The following SP4 variants were observed in gnomAD, a reference collection of about 807,000 sequenced individuals.
SP4 encodes transcription factor Sp4.
SP4 carries 19 observed loss-of-function variants against 72.8 expected under a neutral mutation model. The observed-to-expected ratio is 0.26, with a 90% CI of 0.18 to 0.38. The LOEUF is 0.38. Among genes scored for constraint, SP4 ranks in the 10% least tolerant of loss-of-function variants. The pLI is 1.00. For missense variants in SP4, 1,008 were observed against 926.3 expected, an observed-to-expected ratio of 1.09 and a Z score of -1.14; for synonymous variants, 395 against 333.1, an observed-to-expected ratio of 1.19 and a Z score of -2.02.
intron 5 of SP4, among the ~76,000 whole-genome samples, chr7:21,497,258 A>G (rs1285009234): frequency 6.6e-6 from 1 of 152,198 alleles, no homozygotes; most frequent in African/African-American, 2.4e-5. Flanking sequence ...TTAGGCTTTG[A>G]AAGAGCCTCA....
intron 5 of SP4, among the ~76,000 whole-genome samples, chr7:21,503,587 T>G (rs938436212): frequency 6.6e-6 from 1 of 152,204 alleles, no homozygotes; most frequent in African/African-American, 2.4e-5. Flanking sequence ...ATATTTTCCA[T>G]CAGTCCAAAG....
At chr7:21,473,507 C>G (rs1012835135) in intron 3 of SP4, among the ~76,000 whole-genome samples, 1 of 152,190 alleles carries the variant, frequency 6.6e-6, no homozygotes, top group Admixed American at 6.5e-5. Flanking sequence ...AAGATCCCTA[C>G]TTTCATGGCA....
At chr7:21,457,775 G>A (rs1234660077) in intron 3 of SP4, among the ~76,000 whole-genome samples, 1 of 151,722 alleles carries the variant, frequency 6.6e-6, no homozygotes, top group African/African-American at 2.4e-5. Flanking sequence ...CAATAGGGGT[G>A]TGTGTGTGTG....
intron 3 of SP4, among the ~76,000 whole-genome samples, chr7:21,466,031 G>A (rs1784157861): frequency 6.6e-6 from 1 of 152,004 alleles, no homozygotes; most frequent in Admixed American, 6.5e-5. Flanking sequence ...CTTTCCACCT[G>A]TCAGTGGATT....
At chr7:21,457,294 GC>G (rs1783797533) in intron 3 of SP4, among the ~76,000 whole-genome samples, 1 of 151,730 alleles carries the variant, frequency 6.6e-6, no homozygotes. Flanking sequence ...TGCTCTTATT[GC>G]CCCAACTTTC....
chr7:21,453,217 T>A (rs950713257), intron 3 of SP4, among the ~76,000 whole-genome samples: 7 of 152,266 alleles, frequency 4.6e-5, no homozygotes, highest in Non-Finnish European at 8.8e-5. Flanking sequence ...TTAACTCCTG[T>A]TCTGCTTTAT....
intron 5 of SP4, among the ~76,000 whole-genome samples, chr7:21,502,630 T>G (rs1349082836): frequency 6.6e-6 from 1 of 152,162 alleles, no homozygotes; most frequent in Non-Finnish European, 1.5e-5. Flanking sequence ...ACCAAAAATG[T>G]GACCCACTCA....
chr7:21,473,762 C>T (rs1490221371), intron 3 of SP4, among the ~76,000 whole-genome samples: 1 of 152,034 alleles, frequency 6.6e-6, no homozygotes, highest in Non-Finnish European at 1.5e-5. Context: ...ATGCAAAGTC[C>T]CTAAGAAGGA....
intron 5 of SP4, among the ~76,000 whole-genome samples, chr7:21,492,102 G>A (rs2128413814): frequency 6.6e-6 from 1 of 152,236 alleles, no homozygotes; most frequent in African/African-American, 2.4e-5. Context: ...CTTGTAGATA[G>A]TCATTGTATG....
At position 21,511,118 on chromosome 7, in the gene SP4, G is replaced by A. The variant is rs1782130587; in HGVS notation, c.2204G>A (p.Gly735Asp). 4 of 1,614,074 alleles carry A rather than the reference G, an allele frequency of 2.5e-6. No individual in the cohort carries two copies. The highest frequency in any genetic ancestry group is 1.3e-5 in the African/African-American group (1 of 74,924). ...AAAACGCACCAGAATAAAAAAGGTG[G>A]TGGGACAGCTCTTGCCATTGTTACC... ...HVKTHQNKKG[G>D]GTALAIVTSG... Residue 735 changes from glycine (G) to aspartate (D), a missense_variant, in exon 6 of 6, where the codon GGT becomes GAT. This residue lies in a region of SP4 where 67 missense variants were observed against 66.1 expected (regional missense o/e 1.01). Coordinates refer to ENST00000222584, the MANE Select transcript of SP4 (RefSeq NM_003112.5).
chr7:21,470,873 C>CTA (rs1784320300), intron 3 of SP4, among the ~76,000 whole-genome samples: 1 of 152,030 alleles, frequency 6.6e-6, no homozygotes, highest in African/African-American at 2.4e-5. Flanking sequence ...CGGCCATCCT[C>CTA]AGTCTGTTTC....
At chr7:21,475,098 C>CT (rs1376423290) in intron 3 of SP4, among the ~76,000 whole-genome samples, 1 of 151,172 alleles carries the variant, frequency 6.6e-6, no homozygotes, top group Non-Finnish European at 1.5e-5. Context: ...CTCCCCCACC[C>CT]TTTTTTTGTT....
intron 4 of SP4, among the ~76,000 whole-genome samples, chr7:21,481,374 T>C (rs1189176050): frequency 6.6e-6 from 1 of 152,242 alleles, no homozygotes; most frequent in Non-Finnish European, 1.5e-5. Flanking sequence ...TTGGTTCAAA[T>C]ACCACAGACT....
intron 3 of SP4, among the ~76,000 whole-genome samples, chr7:21,435,202 A>T (rs1455168138): frequency 6.6e-6 from 1 of 152,188 alleles, no homozygotes; most frequent in Non-Finnish European, 1.5e-5. Flanking sequence ...TGTCAATTTT[A>T]GTGGAAATTA....
At chr7:21,495,461 T>C (rs1174080468) in intron 5 of SP4, among the ~76,000 whole-genome samples, 2 of 151,940 alleles carry the variant, frequency 1.3e-5, no homozygotes, top group Admixed American at 1.3e-4. Context: ...AGAGAACATA[T>C]GTATGTGACG....
intron 3 of SP4, among the ~76,000 whole-genome samples, chr7:21,461,857 G>T (rs1392706978): frequency 6.6e-6 from 1 of 152,128 alleles, no homozygotes; most frequent in African/African-American, 2.4e-5. Flanking sequence ...TAAAGTTCTA[G>T]TGGAGACTTT....
chr7:21,442,374 T>C (rs1783288857), intron 3 of SP4, among the ~76,000 whole-genome samples: 1 of 152,186 alleles, frequency 6.6e-6, no homozygotes, highest in Non-Finnish European at 1.5e-5. Context: ...ACACACCTTG[T>C]AATCAAAGGC....
At chr7:21,469,453 T>C (rs1159618495) in intron 3 of SP4, among the ~76,000 whole-genome samples, 1 of 152,108 alleles carries the variant, frequency 6.6e-6, no homozygotes, top group African/African-American at 2.4e-5. Flanking sequence ...AGTGTATGTG[T>C]TTGTAATACT....
chr7:21,428,848 T>A, intron 2 of SP4, 56 bp downstream of exon 2: 2 of 1,329,324 alleles, frequency 1.5e-6, no homozygotes, highest in Non-Finnish European at 2.1e-6. Flanking sequence ...AGAGAGGGAG[T>A]TATGCCCTTT....
Sources: allele counts gnomAD v4.1 joint callset (sites outside exome capture counted in the v4.1 genomes callset), GRCh38; gene constraint gnomAD v4.1.1; regional missense constraint gnomAD v4.1.1; transcripts MANE v1.5; gene names NCBI Gene and HGNC (gene_info 2026-07-23, HGNC 2026-07-21).